Variants in TNKS observed in about 807,000 individuals in gnomAD.
TNKS encodes poly [ADP-ribose] polymerase tankyrase-1.
A neutral mutation model predicts 135.8 loss-of-function variants in TNKS; 72 were observed. The ratio of observed to expected loss-of-function variants is 0.53; its 90% confidence interval spans 0.44 to 0.64. The LOEUF is 0.64. Ranked by LOEUF, TNKS falls within the 30% of genes least tolerant of loss-of-function variation. The probability of loss-of-function intolerance (pLI) is 0.00; values close to 1 mark genes in which losing one functional copy is unlikely to be tolerated. For synonymous variants in TNKS, 849 were observed against 649.3 expected, an observed-to-expected ratio of 1.31 and a Z score of -4.68; for missense variants, 1,769 against 1,674.0, an observed-to-expected ratio of 1.06 and a Z score of -0.99.
intron 3 of TNKS, among the ~76,000 whole-genome samples, chr8:9,678,783 A>G (rs1802651082): frequency 6.6e-6 from 1 of 152,204 alleles, no homozygotes; most frequent in Non-Finnish European, 1.5e-5. Flanking sequence ...ATTTTTTAAA[A>G]GTTACTTAAT....
intron 5 of TNKS, among the ~76,000 whole-genome samples, chr8:9,694,500 A>G (rs947831222): frequency 6.6e-5 from 10 of 152,084 alleles, no homozygotes; most frequent in African/African-American, 2.4e-4. Flanking sequence ...GGTGGCTCAC[A>G]CCTGTAATCC....
intron 5 of TNKS, among the ~76,000 whole-genome samples, chr8:9,696,878 A>T (rs985395664): frequency 1.3e-5 from 2 of 152,224 alleles, no homozygotes; most frequent in African/African-American, 4.8e-5. Flanking sequence ...CATACTGCCC[A>T]AAGCAGTTTA....
intron 18 of TNKS, among the ~76,000 whole-genome samples, chr8:9,749,681 A>G (rs575257087): frequency 2.6e-5 from 4 of 151,854 alleles, no homozygotes; most frequent in Non-Finnish European, 4.4e-5. Context: ...GGGTCTTGCT[A>G]TGTTGCCCAG....
Position 9,761,578 on chromosome 8 carries a change from A to G in TNKS, c.3216A>G (p.Ala1072=). ...AGTTGAAAGAAATAGGCATCAATGCATATGGGCACCGCCACAAATTAATCA... is the reference window on the plus strand; with the variant it reads ...AGTTGAAAGAAATAGGCATCAATGCGTATGGGCACCGCCACAAATTAATCA... ...HEELKEIGIN[A]YGHRHKLIKG... is the part of the protein sequence containing the mutation. Residue 1072 remains alanine, a synonymous_variant, in exon 21 of 27, where the codon GCA becomes GCG. Transcript: ENST00000310430. 1 of 1,610,640 alleles carries G rather than the reference A, an allele frequency of 6.2e-7. No individual in the cohort carries two copies. The highest frequency in any genetic ancestry group is 1.1e-5 in the South Asian group (1 of 90,076).
At chr8:9,667,983 A>G (rs1209340216) in intron 3 of TNKS, among the ~76,000 whole-genome samples, 1 of 152,064 alleles carries the variant, frequency 6.6e-6, no homozygotes, top group African/African-American at 2.4e-5. Context: ...GAAATCTTGA[A>G]TTGTTGGAGA....
chr8:9,677,480 C>G (rs186570052), intron 3 of TNKS, among the ~76,000 whole-genome samples: 3 of 152,226 alleles, frequency 2.0e-5, no homozygotes, highest in Non-Finnish European at 4.4e-5. Flanking sequence ...AGTCATGTTT[C>G]ACTACGACTT....
intron 3 of TNKS, among the ~76,000 whole-genome samples, chr8:9,657,265 C>T (rs1403160608): frequency 9.9e-6 from 1 of 101,522 alleles, no homozygotes. Context: ...CCCCCCACCT[C>T]CCTCCCGGAC....
chr8:9,679,849 T>A (rs1158231765), intron 3 of TNKS, 102 bp from the exon 4 acceptor site: 1 of 1,011,082 alleles, frequency 9.9e-7, no homozygotes, highest in Admixed American at 1.8e-5. Flanking sequence ...GTGGACTCTC[T>A]TTTTCTGTTC....
chr8:9,721,807 A>G (rs1804895262), intron 12 of TNKS, among the ~76,000 whole-genome samples: 2 of 152,136 alleles, frequency 1.3e-5, no homozygotes, highest in Non-Finnish European at 2.9e-5. Flanking sequence ...TAATCCCAGC[A>G]CTTTGGGAGG....
intron 5 of TNKS, among the ~76,000 whole-genome samples, chr8:9,701,206 G>A (rs370529163): frequency 8.5e-5 from 13 of 152,196 alleles, no homozygotes; most frequent in East Asian, 5.8e-4. Context: ...CAAAGTGCTG[G>A]GATTACAGGC....
At chr8:9,749,562 C>A (rs1248768709) in intron 18 of TNKS, among the ~76,000 whole-genome samples, 9 of 151,634 alleles carry the variant, frequency 5.9e-5, no homozygotes, top group Non-Finnish European at 1.2e-4. Flanking sequence ...ACAACCCCAA[C>A]CTCTTAGATT....
chr8:9,694,521 G>T (rs1028330110), intron 5 of TNKS, among the ~76,000 whole-genome samples: 3 of 152,050 alleles, frequency 2.0e-5, no homozygotes, highest in African/African-American at 7.2e-5. Context: ...CAGCACTTTG[G>T]GAGGCCAAGG....
At chr8:9,615,707 A>T (rs567498292) in intron 3 of TNKS, 30 bp downstream of exon 3, 4 of 1,540,064 alleles carry the variant, frequency 2.6e-6, no homozygotes, top group Middle Eastern at 1.7e-4. Context: ...CCGAATGATT[A>T]TATCTGTGTA....
chr8:9,764,784 C>T lies in TNKS; in HGVS notation c.3441C>T (p.Val1147=), dbSNP rs1807336225. 2 of 1,589,872 alleles carry T rather than the reference C, an allele frequency of 1.3e-6. No individual in the cohort carries two copies. The highest frequency in any genetic ancestry group is 1.7e-6 in the Non-Finnish European group (2 of 1,169,754). ...NAGGIFNRYN[V]IRIQKVVNKK... is the part of the protein sequence containing the mutation. ...GCGGCATCTTCAACAGATACAATGTCATTCGAGTAAGTTTTTAAAGTTTCA... is the reference window on the plus strand; with the variant it reads ...GCGGCATCTTCAACAGATACAATGTTATTCGAGTAAGTTTTTAAAGTTTCA... Residue 1147 remains valine, a synonymous_variant, in exon 23 of 27, where the codon GTC becomes GTT. Coordinates refer to ENST00000310430, the MANE Select transcript of TNKS (RefSeq NM_003747.3).
intron 17 of TNKS, chr8:9,741,587 A>C (rs893550855): frequency 2.9e-6 from 1 of 343,538 alleles, no homozygotes; most frequent in Admixed American, 2.7e-5. Context: ...CACCTTGCAC[A>C]GTCTTTATAG....
intron 3 of TNKS, among the ~76,000 whole-genome samples, chr8:9,672,439 T>G (rs1436983099): frequency 6.6e-6 from 1 of 151,980 alleles, no homozygotes; most frequent in Non-Finnish European, 1.5e-5. Context: ...TGTGTAGCTG[T>G]GTACACTAAA....
chr8:9,593,649 T>C (rs1441618391), intron 2 of TNKS, among the ~76,000 whole-genome samples: 1 of 152,182 alleles, frequency 6.6e-6, no homozygotes, highest in Non-Finnish European at 1.5e-5. Flanking sequence ...TTAATTTCCT[T>C]ATAACTTCCT....
chr8:9,610,792 C>T lies in TNKS; in HGVS notation c.899-4790C>T, dbSNP rs540029965. Among the ~76,000 whole-genome samples, 30 of 152,266 alleles carry T rather than the reference C, an allele frequency of 2.0e-4. No individual in the cohort carries two copies. In the South Asian group the frequency reaches 6.2e-3, roughly 32 times the overall value. On this transcript the variant is annotated intron_variant, in intron 2 of 26. Transcript: ENST00000310430. ...TTAGCTTGGAAAATTCACATTGTTT[C>T]TATGTCTTGTGTCTTTTAAAATTAG...
intron 11 of TNKS, 59 bp from the exon 12 acceptor site, chr8:9,720,315 G>A (rs1221997639): frequency 1.4e-6 from 2 of 1,424,578 alleles, no homozygotes; most frequent in East Asian, 2.5e-5. Context: ...ATTTTCTAAG[G>A]TATAAAAGGA....
Sources: gnomAD v4.1 joint callset for allele counts (sites outside exome capture counted in the v4.1 genomes callset) on GRCh38, gnomAD v4.1.1 for gene constraint, MANE v1.5 for transcripts, NCBI Gene and HGNC (gene_info 2026-07-23, HGNC 2026-07-21) for gene names.